TPO: variants seen among roughly 807,000 people sequenced by gnomAD.
TPO encodes thyroid microsomal antigen.
Under a neutral mutation model 96.9 loss-of-function variants are expected in TPO, and 78 were observed. The observed-to-expected ratio is 0.81, with a 90% confidence interval of 0.67 to 0.97. The LOEUF is 0.97. Among genes scored for constraint, TPO ranks in the 50% least tolerant of loss-of-function variants. The pLI, the probability that TPO is intolerant of heterozygous loss-of-function variation, is 0.00. For missense variants in TPO, 1,252 were observed against 1,274.8 expected (o/e 0.98, Z 0.27); for synonymous variants, 547 against 538.0 (o/e 1.02, Z -0.23).
At chr2:1,519,798 T>C (rs1039330687) in intron 15 of TPO, among the ~76,000 whole-genome samples, 1 of 152,186 alleles carries the variant, frequency 6.6e-6, no homozygotes, top group Admixed American at 6.5e-5. Context: ...CAAACATCCC[T>C]ATAAACATCT....
chr2:1,422,926 C>A (rs1007697956), intron 2 of TPO, 119 bp from the exon 3 acceptor site: 20 of 1,081,622 alleles, frequency 1.8e-5, no homozygotes, highest in Non-Finnish European at 2.8e-5. Context: ...GGCTGCCTGC[C>A]TGTCCCGGAA....
intron 1 of TPO, among the ~76,000 whole-genome samples, chr2:1,379,997 G>A (rs1661782840): frequency 6.6e-6 from 1 of 152,152 alleles, no homozygotes; most frequent in Non-Finnish European, 1.5e-5. Flanking sequence ...TTACTACACT[G>A]ACTCTGAAAA....
At chr2:1,409,794 G>GCA (rs10659188), upstream of TPO, among the ~76,000 whole-genome samples, 78,736 of 150,304 alleles carry the variant, frequency 0.52, 20,643 homozygotes, top group Admixed American at 0.64. Context: ...AACAGTGCGC[G>GCA]CACACACACA....
At chr2:1,409,581 A>G (rs1202262741), upstream of TPO, among the ~76,000 whole-genome samples, 2 of 152,142 alleles carry the variant, frequency 1.3e-5, no homozygotes, top group Non-Finnish European at 2.9e-5. Context: ...AGGACCAGGG[A>G]GTGGACGTGG....
At chr2:1,391,112 A>G (rs186107414) in intron 1 of TPO, among the ~76,000 whole-genome samples, 3 of 152,302 alleles carry the variant, frequency 2.0e-5, no homozygotes, top group Admixed American at 6.5e-5. Flanking sequence ...GCCCATGCCT[A>G]TGTCCTGAAT....
At chr2:1,534,505 G>GCAACTTCCC (rs1189512116) in intron 15 of TPO, among the ~76,000 whole-genome samples, 1 of 65,626 alleles carries the variant, frequency 1.5e-5, no homozygotes. Flanking sequence ...CACGCAGTGT[G>GCAACTTCCC]CAACTTCCCC....
chr2:1,507,955 T>G (rs1422568015), intron 14 of TPO, among the ~76,000 whole-genome samples: 1 of 152,126 alleles, frequency 6.6e-6, no homozygotes, highest in Admixed American at 6.6e-5. Context: ...GCATCCCTGT[T>G]TTGTGCCAGT....
At chr2:1,499,959 A>T (rs1343310687) in intron 13 of TPO, among the ~76,000 whole-genome samples, 1 of 152,252 alleles carries the variant, frequency 6.6e-6, no homozygotes, top group East Asian at 1.9e-4. Flanking sequence ...GCCTGTTGAT[A>T]TTAACACTGT....
intron 1 of TPO, among the ~76,000 whole-genome samples, chr2:1,375,087 G>T (rs904668880): frequency 6.7e-6 from 1 of 149,120 alleles, no homozygotes. Context: ...GTTGATTAAA[G>T]AGTTTTTAAT....
At position 1,534,233 on chromosome 2, in the gene TPO, C is replaced by G. The variant is rs190298276; in HGVS notation, c.2619-6361C>G. Among the ~76,000 whole-genome samples, 449 of 102,104 alleles carry G rather than the reference C, an allele frequency of 4.4e-3. 29 individuals are homozygous for G. The highest frequency in any genetic ancestry group is 0.016 in the African/African-American group (441 of 27,774). The allele number at this position is 102,104 out of a possible 152,430, so 67.0% of individuals were successfully genotyped here. On this transcript the variant is annotated intron_variant, in intron 15 of 16. Coordinates refer to ENST00000329066, the MANE Select transcript of TPO (RefSeq NM_001206744.2). ...TCTCCCCCACTGTGTGCAACCTCCT[C>G]AAATCCCCCATCACTCAGAGCAACC...
intron 15 of TPO, among the ~76,000 whole-genome samples, chr2:1,538,287 G>C (rs1680312655): frequency 6.6e-6 from 1 of 152,106 alleles, no homozygotes; most frequent in Non-Finnish European, 1.5e-5. Flanking sequence ...GTGGTGCTCC[G>C]ACCTGATACA....
At chr2:1,523,072 CCGACACTGTGTGCAA>C in intron 15 of TPO, among the ~76,000 whole-genome samples, 1 of 144,992 alleles carries the variant, frequency 6.9e-6, no homozygotes, top group South Asian at 2.2e-4. Context: ...TCACCAAATC[CCGACACTGTGTGCAA>C]CCTCCCCAAA....
chr2:1,494,366 C>G (rs544010222), intron 11 of TPO, among the ~76,000 whole-genome samples: 3 of 152,244 alleles, frequency 2.0e-5, no homozygotes, highest in Non-Finnish European at 1.5e-5. Flanking sequence ...CCATCCCTCA[C>G]GTCCCATGAC....
At chr2:1,541,026 G>C in intron 16 of TPO, 2 of 1,343,074 alleles carry the variant, frequency 1.5e-6, no homozygotes, top group South Asian at 1.5e-5. Flanking sequence ...GCACAGGAGA[G>C]GAAGGAGAAG....
chr2:1,540,583 G>C lies in TPO; in HGVS notation c.2619-11G>C. ...ACCCTCTCCCGATAACTGGACACGT[G>C]TCTCCCACAGGACACGCACTGGCAC... On this transcript the variant is annotated splice_polypyrimidine_tract_variant and intron_variant, in intron 15 of 16. Transcript: ENST00000329066. 1.2e-6 allele frequency: 2 copies of C among 1,612,916 alleles called. No homozygotes were observed. The highest frequency in any genetic ancestry group is 1.7e-6 in the Non-Finnish European group (2 of 1,180,016).
At chr2:1,375,024 C>T (rs1052488193) in intron 1 of TPO, among the ~76,000 whole-genome samples, 9 of 151,760 alleles carry the variant, frequency 5.9e-5, no homozygotes, top group Admixed American at 2.0e-4. Context: ...CCACTGCACC[C>T]GACCATAGAT....
At chr2:1,499,710 A>C (rs1412767773) in intron 13 of TPO, among the ~76,000 whole-genome samples, 1 of 152,192 alleles carries the variant, frequency 6.6e-6, no homozygotes, top group Non-Finnish European at 1.5e-5. Flanking sequence ...GAGACTGTGT[A>C]TATGAAGGTC....
chr2:1,412,190 C>T (rs1205621461), upstream of TPO, among the ~76,000 whole-genome samples: 1 of 152,240 alleles, frequency 6.6e-6, no homozygotes, highest in Non-Finnish European at 1.5e-5. Context: ...CTTTGCTTGT[C>T]ACAGCCAGTC....
rs1438112167 is a variant in TPO, at chr2:1,526,295, CCCA to C, written c.2618+9315_2618+9317del. On this transcript the variant is annotated intron_variant, in intron 15 of 16. Coordinates refer to ENST00000329066, the MANE Select transcript of TPO (RefSeq NM_001206744.2). ...CAGTCCCCCCACAGTGTGCAAACAC[CCCA>C]CATCTCCCCCACTGTGAGCAAAACC... Among the ~76,000 whole-genome samples the C allele has an allele frequency of 2.7e-3, 316 of 116,098 alleles. 1 individual carries two copies. Among genetic ancestry groups the C allele is most frequent in the African/African-American group, 0.01 (304 of 29,248 alleles). The allele number at this position is 116,098 out of a possible 152,430, so 76.2% of individuals were successfully genotyped here. A position where few individuals can be genotyped will look rare whatever the true frequency, so the allele number is the denominator to read the frequency against.
Sources: gnomAD v4.1 joint callset for allele counts (sites outside exome capture counted in the v4.1 genomes callset) on GRCh38, gnomAD v4.1.1 for gene constraint, MANE v1.5 for transcripts, NCBI Gene and HGNC (gene_info 2026-07-23, HGNC 2026-07-21) for gene names.